JPH1: variants seen among roughly 807,000 people sequenced by gnomAD.
JPH1 encodes the protein junctophilin-1.
Under a neutral mutation model 53.6 loss-of-function variants are expected in JPH1, and 12 were observed. The observed-to-expected ratio is 0.22, with a 90% confidence interval of 0.14 to 0.36. The LOEUF (loss-of-function observed/expected upper bound fraction) is 0.36, where lower values mean the gene tolerates loss of function less well. JPH1 is among the 10% of genes least tolerant of loss of function. The pLI is 1.00. For missense variants in JPH1, 808 were observed against 905.5 expected, an observed-to-expected ratio of 0.89 and a Z score of 1.38; for synonymous variants, 375 against 363.8, an observed-to-expected ratio of 1.03 and a Z score of -0.35.
chr8:74,290,120 T>C (rs1268240809), intron 2 of JPH1, among the ~76,000 whole-genome samples: 1 of 152,140 alleles, frequency 6.6e-6, no homozygotes, highest in Admixed American at 6.5e-5. Context: ...ATCACTCCTA[T>C]TCAACAGAGT....
chr8:74,255,554 T>C (rs1806196093), intron 3 of JPH1, among the ~76,000 whole-genome samples: 1 of 152,106 alleles, frequency 6.6e-6, no homozygotes, highest in African/African-American at 2.4e-5. Flanking sequence ...TGGGATCTAA[T>C]TAAACTCAAG....
At chr8:74,279,153 T>C (rs1017097832) in intron 2 of JPH1, among the ~76,000 whole-genome samples, 5 of 152,214 alleles carry the variant, frequency 3.3e-5, no homozygotes, top group African/African-American at 1.2e-4. Context: ...AGGACATTTC[T>C]TGTCTAGGGT....
chr8:74,247,296 G>A (rs192613554), intron 3 of JPH1, among the ~76,000 whole-genome samples: 5 of 152,226 alleles, frequency 3.3e-5, no homozygotes, highest in African/African-American at 1.2e-4. Flanking sequence ...GTGCTTTACT[G>A]ATATTCAACT....
At chr8:74,254,748 T>C (rs1006819077) in intron 3 of JPH1, among the ~76,000 whole-genome samples, 5 of 152,000 alleles carry the variant, frequency 3.3e-5, no homozygotes, top group African/African-American at 9.7e-5. Flanking sequence ...TATACACCAA[T>C]AACAGACAAA....
intron 2 of JPH1, among the ~76,000 whole-genome samples, chr8:74,271,817 G>C (rs1806708752): frequency 6.6e-6 from 1 of 152,162 alleles, no homozygotes; most frequent in Non-Finnish European, 1.5e-5. Context: ...GGGCTGTCAG[G>C]GCAAGGAGGG....
At chr8:74,283,125 C>T (rs937554019) in intron 2 of JPH1, among the ~76,000 whole-genome samples, 2 of 152,062 alleles carry the variant, frequency 1.3e-5, no homozygotes, top group Non-Finnish European at 2.9e-5. Context: ...TAGACTTTAC[C>T]ATGCAGCAGT....
Position 74,321,049 on chromosome 8 carries a change from C to CGAT in JPH1, c.238_239insATC (p.Trp80delinsTyrArg). ...ATGTGACCACTCCCCCCGGTACATC[C>CGAT]ACTTGCCCTTCGTCTCCACCCCCAG... is the stretch of plus-strand genomic sequence containing the variant. On this transcript the variant is annotated protein_altering_variant, in exon 1 of 6. Coordinates refer to ENST00000342232, the MANE Select transcript of JPH1 (RefSeq NM_020647.4). The surrounding 1 kb of genome is among the most constrained non-coding windows in gnomAD (Gnocchi z 4.3). 1 of 1,613,592 alleles carries CGAT rather than the reference C, an allele frequency of 6.2e-7. No homozygotes were observed. Among genetic ancestry groups the CGAT allele is most frequent in the Non-Finnish European group, 8.5e-7 (1 of 1,179,762 alleles).
chr8:74,288,084 A>C (rs553295421), intron 2 of JPH1, among the ~76,000 whole-genome samples: 1 of 152,314 alleles, frequency 6.6e-6, no homozygotes, highest in Non-Finnish European at 1.5e-5. Flanking sequence ...CAAGGTATAC[A>C]ATTATTAAAG....
At chr8:74,237,812 A>G (rs1456400663) in intron 4 of JPH1, among the ~76,000 whole-genome samples, 5 of 152,206 alleles carry the variant, frequency 3.3e-5, no homozygotes, top group South Asian at 2.1e-4. Flanking sequence ...CTGTTTGGAC[A>G]CCACCCTTTC....
chr8:74,241,873 C>A (rs1805700304), intron 4 of JPH1, among the ~76,000 whole-genome samples: 1 of 152,126 alleles, frequency 6.6e-6, no homozygotes, highest in Non-Finnish European at 1.5e-5. Flanking sequence ...TCAGAATGGG[C>A]TGAGATACCT....
intron 2 of JPH1, among the ~76,000 whole-genome samples, chr8:74,264,099 G>T (rs1244228262): frequency 1.3e-5 from 2 of 152,152 alleles, no homozygotes; most frequent in African/African-American, 4.8e-5. Context: ...CTCAGCACAG[G>T]TACACATAGG....
At chr8:74,295,432 C>T (rs1807477123) in intron 2 of JPH1, among the ~76,000 whole-genome samples, 1 of 152,200 alleles carries the variant, frequency 6.6e-6, no homozygotes, top group Non-Finnish European at 1.5e-5. Context: ...ACTGTCTTTT[C>T]ACAATACTTG....
chr8:74,314,580 G>T (rs1389095986), intron 2 of JPH1, among the ~76,000 whole-genome samples: 1 of 152,178 alleles, frequency 6.6e-6, no homozygotes, highest in Admixed American at 6.5e-5. Flanking sequence ...TGAGCACAGG[G>T]TCTCAGTGAA....
In JPH1 at chr8:74,236,982, C is replaced by T. The variant is rs1807018871; in HGVS notation, c.*69G>A. ...TGGGGTGGGCCATTTAAAGGGCTGA[C>T]GGCACCACTGCAGAGAACTGTGGGC... On this transcript the variant is annotated 3_prime_UTR_variant, in exon 6 of 6. Coordinates refer to ENST00000342232, the MANE Select transcript of JPH1 (RefSeq NM_020647.4). 3.1e-5 allele frequency: 12 copies of T among 391,214 alleles called. No homozygotes were observed. Among genetic ancestry groups the T allele is most frequent in the South Asian group, 2.7e-4 (6 of 22,510 alleles). 24.2% of individuals were successfully genotyped at this position (391,214 alleles called of 1,614,324 possible).
chr8:74,267,286 C>G (rs1806561256), intron 2 of JPH1, among the ~76,000 whole-genome samples: 1 of 152,102 alleles, frequency 6.6e-6, no homozygotes, highest in Non-Finnish European at 1.5e-5. Context: ...AAGCAAAGAA[C>G]TGGGGACTGA....
At chr8:74,308,272 T>C (rs1021889212) in intron 2 of JPH1, among the ~76,000 whole-genome samples, 1 of 152,224 alleles carries the variant, frequency 6.6e-6, no homozygotes, top group African/African-American at 2.4e-5. Flanking sequence ...TCAATACTTA[T>C]GAAGAATGGA....
Position 74,244,926 on chromosome 8 carries a change from T to G in JPH1, c.1508A>C (p.Asp503Ala). 1 of 1,614,160 alleles carries G rather than the reference T, an allele frequency of 6.2e-7. No individual in the cohort carries two copies. The highest frequency in any genetic ancestry group is 1.6e-4 in the Middle Eastern group (1 of 6,062). ...ATTGACAATGGCCGTCACCTGCTCA[T>G]CAGCCACACTCCTTTTGTCTTGGTT... ...RLNQDKRSVA[D>A]EQVTAIVNKP... Residue 503 changes from aspartate (D) to alanine (A), a missense_variant, in exon 4 of 6, where the codon GAT (aspartate) becomes GCT (alanine). Physicochemically the swap from Asp to Ala is moderately radical, Grantham distance 126 (BLOSUM62 -2). Transcript: ENST00000342232.
chr8:74,258,028 C>G (rs1406968207), intron 3 of JPH1, among the ~76,000 whole-genome samples: 1 of 152,158 alleles, frequency 6.6e-6, no homozygotes, highest in African/African-American at 2.4e-5. Flanking sequence ...AGCCAAGTTT[C>G]TAGCTTTTCT....
chr8:74,244,827 T>A lies in JPH1; in HGVS notation c.1607A>T (p.His536Leu), dbSNP rs1411540599. The A allele has an allele frequency of 1.9e-6, 3 of 1,614,158 alleles. No individual in the cohort carries two copies. Among genetic ancestry groups the A allele is most frequent in the Non-Finnish European group, 2.5e-6 (3 of 1,180,000 alleles). Residue 536 changes from histidine (H) to leucine (L), a missense_variant, in exon 4 of 6, where the codon CAC becomes CTC. This residue lies in a region of JPH1 where 756 missense variants were observed against 811.9 expected (regional missense o/e 0.93). Coordinates refer to ENST00000342232, the MANE Select transcript of JPH1 (RefSeq NM_020647.4). ...CCCGTTACTGGGGTTGGGGATGTGG[T>A]GGCGGCCAGAGTACTTGGACTGGGG... ...VVPQSKYSGR[H>L]HIPNPSNGEL...
Sources: allele counts gnomAD v4.1 joint callset (sites outside exome capture counted in the v4.1 genomes callset), GRCh38; gene constraint gnomAD v4.1.1; regional missense constraint gnomAD v4.1.1; non-coding constraint Gnocchi (gnomAD v3.1); transcripts MANE v1.5; gene names NCBI Gene and HGNC (gene_info 2026-07-23, HGNC 2026-07-21).